The following CUX2 variants were observed in gnomAD, a reference collection of about 807,000 sequenced individuals.
The protein encoded by CUX2 is homeobox protein cut-like 2.
Under a neutral mutation model 144.8 loss-of-function variants are expected in CUX2, and 40 were observed. That is an observed-to-expected ratio of 0.28 (90% confidence interval 0.21 to 0.36). The LOEUF is 0.36. CUX2 is among the 10% of genes least tolerant of loss of function. The pLI, the probability that CUX2 is intolerant of heterozygous loss-of-function variation, is 1.00. For missense variants in CUX2, 1,615 were observed against 1,994.0 expected (o/e 0.81, Z 3.62); for synonymous variants, 827 against 875.6 (o/e 0.94, Z 0.98).
At chr12:111,288,923 A>T (rs909522691) in intron 4 of CUX2, among the ~76,000 whole-genome samples, 1 of 152,122 alleles carries the variant, frequency 6.6e-6, no homozygotes, top group African/African-American at 2.4e-5. Context: ...AGATCGTCTC[A>T]CTGCACTCCG....
intron 1 of CUX2, among the ~76,000 whole-genome samples, chr12:111,088,323 C>A (rs948313269): frequency 2.0e-5 from 3 of 152,056 alleles, no homozygotes; most frequent in African/African-American, 7.2e-5. Context: ...AACTTCTGAC[C>A]TCAAGAAATC....
chr12:111,308,276 C>T lies in CUX2; in HGVS notation c.1110-9C>T, dbSNP rs1392041448. Reference sequence around the variant, plus strand: ...GCTGACCTCAGACCCTCTCCACTTGCTCTGGCAGCATCCTGAAAGCCATGA... The same window carrying T: ...GCTGACCTCAGACCCTCTCCACTTGTTCTGGCAGCATCCTGAAAGCCATGA... On this transcript the variant is annotated splice_polypyrimidine_tract_variant and intron_variant, in intron 12 of 21. Transcript: ENST00000261726. 1.2e-6 allele frequency: 2 copies of T among 1,614,000 alleles called. No individual in the cohort carries two copies. Among genetic ancestry groups the T allele is most frequent in the Non-Finnish European group, 1.7e-6 (2 of 1,180,008 alleles).
intron 1 of CUX2, among the ~76,000 whole-genome samples, chr12:111,158,003 T>C (rs1346241646): frequency 5.3e-5 from 8 of 152,036 alleles, no homozygotes; most frequent in African/African-American, 2.4e-5. Flanking sequence ...CCTCAGAAGA[T>C]GTAAAAATTA....
rs78477688 is a variant in CUX2 at position 111,173,688 on chromosome 12, A to G, written c.64-40512A>G. Among the ~76,000 whole-genome samples, 661 of 152,336 alleles carry G rather than the reference A, an allele frequency of 4.3e-3. 4 individuals are homozygous for G. Among genetic ancestry groups the G allele is most frequent in the African/African-American group, 0.015 (613 of 41,576 alleles). On this transcript the variant is annotated intron_variant, in intron 1 of 21. Coordinates refer to ENST00000261726, the MANE Select transcript of CUX2 (RefSeq NM_015267.4). ...TGCTGGAAGTAATGTTTAAGCTGCA[A>G]CTTGGCTGAGGGGTAGGCCTGAGTT...
At chr12:111,104,669 G>A (rs1456301379) in intron 1 of CUX2, among the ~76,000 whole-genome samples, 1 of 152,240 alleles carries the variant, frequency 6.6e-6, no homozygotes, top group African/African-American at 2.4e-5. Context: ...AGTATGGACT[G>A]CTGGCCATTA....
chr12:111,292,851 G>A (rs553869723), intron 5 of CUX2, among the ~76,000 whole-genome samples: 10 of 151,872 alleles, frequency 6.6e-5, no homozygotes, highest in African/African-American at 2.2e-4. Context: ...GGCCAGGCAC[G>A]TTGGCTCACG....
chr12:111,151,263 C>A (rs147032946), intron 1 of CUX2, among the ~76,000 whole-genome samples: 2 of 152,156 alleles, frequency 1.3e-5, no homozygotes, highest in African/African-American at 4.8e-5. Context: ...TAAAAAAATT[C>A]ATTCGTTACC....
At chr12:111,074,014 C>A (rs1167231024) in intron 1 of CUX2, among the ~76,000 whole-genome samples, 3 of 151,196 alleles carry the variant, frequency 2.0e-5, no homozygotes, top group Non-Finnish European at 4.4e-5. Context: ...AAGTATATCC[C>A]ATGCAATGTT....
chr12:111,060,192 T>C (rs560859353), intron 1 of CUX2, among the ~76,000 whole-genome samples: 1 of 152,280 alleles, frequency 6.6e-6, no homozygotes, highest in Non-Finnish European at 1.5e-5. Context: ...AGGCTGGTCG[T>C]GAGCACCTCC....
intron 1 of CUX2, among the ~76,000 whole-genome samples, chr12:111,036,303 T>C (rs1383168254): frequency 6.6e-6 from 1 of 152,026 alleles, no homozygotes; most frequent in Admixed American, 6.5e-5. Context: ...TCCGGGGAGC[T>C]CGGGCTGCAG....
At chr12:111,146,102 C>T (rs573417217) in intron 1 of CUX2, among the ~76,000 whole-genome samples, 1 of 152,288 alleles carries the variant, frequency 6.6e-6, no homozygotes, top group Admixed American at 6.5e-5. Context: ...ATATGCCTCG[C>T]CCCTACACGG....
chr12:111,295,464 T>A lies in CUX2; in HGVS notation c.637+55T>A. On this transcript the variant is annotated intron_variant, in intron 7 of 21. Coordinates refer to ENST00000261726, the MANE Select transcript of CUX2 (RefSeq NM_015267.4). The surrounding 1 kb of genome is among the most constrained non-coding windows in gnomAD (Gnocchi z 5.0). ...GAGGACTGGGAGGGGACGGTAATGCTGTCAACGAGGGGTCACGGCTTGGGG... is the reference window on the plus strand; with the variant it reads ...GAGGACTGGGAGGGGACGGTAATGCAGTCAACGAGGGGTCACGGCTTGGGG... The A allele has an allele frequency of 6.6e-7, 1 of 1,511,156 alleles. No individual in the cohort carries two copies. The highest frequency in any genetic ancestry group is 1.2e-5 in the South Asian group (1 of 84,188). The allele number at this position is 1,511,156 out of a possible 1,614,324, so 93.6% of individuals were successfully genotyped here.
intron 1 of CUX2, among the ~76,000 whole-genome samples, chr12:111,108,058 A>T (rs1254366382): frequency 5.3e-5 from 8 of 152,146 alleles, no homozygotes; most frequent in Non-Finnish European, 1.2e-4. Context: ...AGTCTCCCTT[A>T]ATCTCCAACA....
intron 3 of CUX2, among the ~76,000 whole-genome samples, chr12:111,238,571 A>G (rs1363697771): frequency 6.6e-6 from 1 of 152,342 alleles, no homozygotes; most frequent in East Asian, 1.9e-4. Context: ...TGGCAGAGAC[A>G]AGATTTGAAC....
At chr12:111,140,897 T>A (rs968756479) in intron 1 of CUX2, among the ~76,000 whole-genome samples, 4 of 152,232 alleles carry the variant, frequency 2.6e-5, no homozygotes, top group Non-Finnish European at 4.4e-5. Context: ...CTGGGGACGA[T>A]GCCTGAGAAG....
chr12:111,038,979 T>A (rs1156740759), intron 1 of CUX2, among the ~76,000 whole-genome samples: 1 of 152,066 alleles, frequency 6.6e-6, no homozygotes, highest in Non-Finnish European at 1.5e-5. Context: ...TAAACTCTCC[T>A]GTTAAAAAGA....
In CUX2 at chr12:111,307,365, C is replaced by A; in HGVS notation, c.1109+108C>A. On this transcript the variant is annotated intron_variant, in intron 12 of 21. Coordinates refer to ENST00000261726, the MANE Select transcript of CUX2 (RefSeq NM_015267.4). The surrounding 1 kb of genome is among the most constrained non-coding windows in gnomAD (Gnocchi z 4.1). ...CTCCTACTAAACCCCATTTGTTCTTCTCTCCACTAACACTGTGGATATCAA... is the reference window on the plus strand; with the variant it reads ...CTCCTACTAAACCCCATTTGTTCTTATCTCCACTAACACTGTGGATATCAA... The A allele has an allele frequency of 1.0e-6, 1 of 982,084 alleles. No homozygotes were observed. Among genetic ancestry groups the A allele is most frequent in the Non-Finnish European group, 1.5e-6 (1 of 650,396 alleles). The allele number at this position is 982,084 out of a possible 1,614,324, so 60.8% of individuals were successfully genotyped here.
At chr12:111,344,309 A>G (rs1389973269) in intron 21 of CUX2, among the ~76,000 whole-genome samples, 10 of 152,216 alleles carry the variant, frequency 6.6e-5, no homozygotes, top group African/African-American at 2.4e-4. Flanking sequence ...GTCATAAAAC[A>G]GAACATTTCA....
chr12:111,315,019 A>G (rs571767009), intron 16 of CUX2, among the ~76,000 whole-genome samples: 1 of 152,284 alleles, frequency 6.6e-6, no homozygotes, highest in East Asian at 1.9e-4. Context: ...CACCAGGGCA[A>G]TGTCAAAGAC....
Sources: allele counts gnomAD v4.1 joint callset (sites outside exome capture counted in the v4.1 genomes callset), GRCh38; gene constraint gnomAD v4.1.1; non-coding constraint Gnocchi (gnomAD v3.1); transcripts MANE v1.5; gene names NCBI Gene and HGNC (gene_info 2026-07-23, HGNC 2026-07-21).